MTUS2: variants seen among roughly 807,000 people sequenced by gnomAD.
MTUS2 encodes the protein microtubule-associated tumor suppressor candidate 2.
In MTUS2, 40 loss-of-function variants were observed where a neutral mutation model predicts 114.1. That is an observed-to-expected ratio of 0.35 (90% CI 0.27 to 0.46). The LOEUF (loss-of-function observed/expected upper bound fraction) is 0.46, where lower values mean the gene tolerates loss of function less well. Among genes scored for constraint, MTUS2 ranks in the 20% least tolerant of loss-of-function variants. The pLI is 1.00. For synonymous variants in MTUS2, 688 were observed against 672.0 expected (o/e 1.02, Z -0.37); for missense variants, 1,679 against 1,705.4 (o/e 0.98, Z 0.27).
At chr13:28,860,841 C>T (rs967496420) in intron 2 of MTUS2, among the ~76,000 whole-genome samples, 7 of 152,180 alleles carry the variant, frequency 4.6e-5, no homozygotes, top group Admixed American at 3.3e-4. Flanking sequence ...GTATGTCCCT[C>T]GTTTTGCATT....
intron 8 of MTUS2, among the ~76,000 whole-genome samples, chr13:29,411,957 G>A (rs1386101429): frequency 6.6e-6 from 1 of 152,166 alleles, no homozygotes; most frequent in African/African-American, 2.4e-5. Flanking sequence ...ATTGTACTGT[G>A]TGAGTCAGTT....
At chr13:29,103,040 G>A (rs551804391) in intron 5 of MTUS2, among the ~76,000 whole-genome samples, 14 of 152,280 alleles carry the variant, frequency 9.2e-5, no homozygotes, top group African/African-American at 2.6e-4. Flanking sequence ...AGCCAATGTG[G>A]TATCAGAATC....
At chr13:28,932,872 G>C (rs1331018474) in intron 2 of MTUS2, among the ~76,000 whole-genome samples, 5 of 152,150 alleles carry the variant, frequency 3.3e-5, no homozygotes, top group Non-Finnish European at 7.3e-5. Flanking sequence ...TGTTAGTGCA[G>C]TGCTTGACTC....
chr13:28,966,724 CA>C (rs10597818), intron 2 of MTUS2, among the ~76,000 whole-genome samples: 14,656 of 82,174 alleles, frequency 0.18, 336 homozygotes, highest in Non-Finnish European at 0.21. Flanking sequence ...GACCCTGTCT[CA>C]AAAAAAAAAA....
At chr13:29,232,900 A>C (rs1896389121) in intron 5 of MTUS2, among the ~76,000 whole-genome samples, 1 of 152,222 alleles carries the variant, frequency 6.6e-6, no homozygotes, top group Non-Finnish European at 1.5e-5. Context: ...AAAGTGTTTG[A>C]ATTTAAAATT....
intron 11 of MTUS2, among the ~76,000 whole-genome samples, chr13:29,491,826 G>T (rs1055041152): frequency 1.3e-5 from 2 of 149,308 alleles, no homozygotes; most frequent in African/African-American, 4.9e-5. Flanking sequence ...GTAGGTGTGT[G>T]TGTGTGGTAG....
intron 7 of MTUS2, among the ~76,000 whole-genome samples, chr13:29,350,958 T>TTCATATATATATATATATATATATA: frequency 3.0e-5 from 1 of 33,396 alleles, no homozygotes; most frequent in Middle Eastern, 0.019. Context: ...ATATATATAT[T>TTCATATATATATATATATATATATA]TCATATATAT....
chr13:29,258,763 G>A lies in MTUS2; in HGVS notation c.2645-22941G>A, dbSNP rs889380577. On this transcript the variant is annotated intron_variant, in intron 5 of 15. Transcript: ENST00000612955. ...AACAATTTATTTCTCTTCTGCTTAA[G>A]CCTGAGGGCTGCAGACTGACCCACT... 2.6e-5 allele frequency among the ~76,000 whole-genome samples: 4 copies of A among 152,110 alleles called. No individual in the cohort carries two copies. In the South Asian group the frequency reaches 6.2e-4, roughly 24 times the overall value.
chr13:29,393,027 G>T (rs1465766222), intron 8 of MTUS2, among the ~76,000 whole-genome samples: 1 of 152,142 alleles, frequency 6.6e-6, no homozygotes, highest in African/African-American at 2.4e-5. Context: ...CTGAACTAAA[G>T]AAATCCATAC....
intron 2 of MTUS2, among the ~76,000 whole-genome samples, chr13:28,985,175 G>A (rs192589591): frequency 1.3e-3 from 192 of 152,230 alleles, no homozygotes; most frequent in Non-Finnish European, 2.4e-3. Flanking sequence ...AAATATATAT[G>A]GACATTCCCA....
At chr13:29,188,590 C>G (rs1366784997) in intron 5 of MTUS2, among the ~76,000 whole-genome samples, 1 of 152,176 alleles carries the variant, frequency 6.6e-6, no homozygotes, top group Non-Finnish European at 1.5e-5. Flanking sequence ...TATCCAACAT[C>G]TATAATCATA....
At chr13:29,031,867 A>C (rs1392441430) in intron 3 of MTUS2, among the ~76,000 whole-genome samples, 2 of 152,044 alleles carry the variant, frequency 1.3e-5, no homozygotes, top group African/African-American at 2.4e-5. Context: ...TCCACGGCAC[A>C]CTATCCCATT....
chr13:29,076,987 T>C (rs1889220769), intron 4 of MTUS2, among the ~76,000 whole-genome samples: 1 of 152,246 alleles, frequency 6.6e-6, no homozygotes, highest in Non-Finnish European at 1.5e-5. Context: ...GCAATTTCTT[T>C]TCTATCATTG....
chr13:28,975,301 C>T (rs1043445459), intron 2 of MTUS2, among the ~76,000 whole-genome samples: 44 of 152,230 alleles, frequency 2.9e-4, no homozygotes, highest in African/African-American at 1.0e-3. Flanking sequence ...TTAGTTCTCC[C>T]TGCTTCCCGA....
chr13:29,286,648 A>ATCTGTCTG (rs908168290), intron 6 of MTUS2, among the ~76,000 whole-genome samples: 93 of 146,036 alleles, frequency 6.4e-4, no homozygotes, highest in African/African-American at 2.1e-3. Flanking sequence ...TGCACTATCT[A>ATCTGTCTG]TCTGTCTGTC....
chr13:29,155,162 G>T (rs1892808158), intron 5 of MTUS2, among the ~76,000 whole-genome samples: 1 of 152,202 alleles, frequency 6.6e-6, no homozygotes, highest in Non-Finnish European at 1.5e-5. Context: ...TATATGATTT[G>T]AAAGGTTTAC....
Position 29,245,694 on chromosome 13 carries a change from A to ATTTT in MTUS2, c.2645-35993_2645-35990dup, listed in dbSNP as rs34670074. Among the ~76,000 whole-genome samples, 72 of 125,568 alleles carry ATTTT rather than the reference A, an allele frequency of 5.7e-4. 2 individuals are homozygous for ATTTT. Among genetic ancestry groups the ATTTT allele is most frequent in the African/African-American group, 8.8e-4 (29 of 33,036 alleles). 82.4% of individuals were successfully genotyped at this position (125,568 alleles called of 152,430 possible). A position where few individuals can be genotyped will look rare whatever the true frequency, so the allele number is the denominator to read the frequency against. ...TCTTGTTAGTATTTCATCTATTTTA[A>ATTTT]TTTTTTTTTTTTTTTTTTTTGAGAC... On this transcript the variant is annotated intron_variant, in intron 5 of 15. Transcript: ENST00000612955.
chr13:29,389,290 T>TGTGTGTATGTATATATGTATACAC (rs1566172141), intron 8 of MTUS2, among the ~76,000 whole-genome samples: 10 of 101,896 alleles, frequency 9.8e-5, no homozygotes, highest in African/African-American at 4.3e-4. Flanking sequence ...TGTATACACA[T>TGTGTGTATGTATATATGTATACAC]ATGTGTGTAT....
At chr13:29,477,901 C>T (rs978060514) in intron 9 of MTUS2, among the ~76,000 whole-genome samples, 1 of 152,084 alleles carries the variant, frequency 6.6e-6, no homozygotes, top group Non-Finnish European at 1.5e-5. Flanking sequence ...ATTTTCCTGA[C>T]TCACTACATA....
Sources: allele counts gnomAD v4.1 joint callset (sites outside exome capture counted in the v4.1 genomes callset), GRCh38; gene constraint gnomAD v4.1.1; transcripts MANE v1.5; gene names NCBI Gene and HGNC (gene_info 2026-07-23, HGNC 2026-07-21).